The following SHCBP1L variants were observed in gnomAD, a reference collection of about 807,000 sequenced individuals.
SHCBP1L encodes the protein SHC binding and spindle associated 1 like, also known as testicular spindle-associated protein SHCBP1L.
SHCBP1L carries 67 observed loss-of-function variants against 62.5 expected under a neutral mutation model. The observed-to-expected ratio is 1.07, with a 90% CI of 0.88 to 1.31. The LOEUF is 1.31. Among genes scored for constraint, SHCBP1L ranks in the 40% most tolerant of loss-of-function variants. SHCBP1L has a pLI of 0.00. For synonymous variants in SHCBP1L, 284 were observed against 289.4 expected (o/e 0.98, Z 0.19); for missense variants, 823 against 809.8 (o/e 1.02, Z -0.20).
intron 6 of SHCBP1L, among the ~76,000 whole-genome samples, chr1:182,915,753 T>G (rs891860112): frequency 1.3e-5 from 2 of 151,742 alleles, no homozygotes; most frequent in African/African-American, 4.8e-5. Flanking sequence ...AGAAGTCAAT[T>G]ATGGAAAGAA....
intron 3 of SHCBP1L, 46 bp downstream of exon 3, chr1:182,940,283 T>A: frequency 6.6e-7 from 1 of 1,523,672 alleles, no homozygotes; most frequent in Non-Finnish European, 9.0e-7. Context: ...TCACATTAAC[T>A]TTTGGATATA....
At chr1:182,920,072 T>C (rs923528879) in intron 6 of SHCBP1L, among the ~76,000 whole-genome samples, 2 of 152,190 alleles carry the variant, frequency 1.3e-5, no homozygotes, top group Non-Finnish European at 2.9e-5. Flanking sequence ...TGCTGATACA[T>C]GCACACCCTG....
chr1:182,908,168 G>C (rs1250995258), intron 6 of SHCBP1L, among the ~76,000 whole-genome samples: 1 of 140,768 alleles, frequency 7.1e-6, no homozygotes, highest in Non-Finnish European at 1.6e-5. Flanking sequence ...ACTTATTTTA[G>C]ATATGGGGGT....
chr1:182,928,934 G>A (rs185295266), intron 6 of SHCBP1L, among the ~76,000 whole-genome samples: 60 of 152,104 alleles, frequency 3.9e-4, no homozygotes, highest in African/African-American at 1.3e-3. Context: ...ATCACTTTGG[G>A]ATAATATAGT....
At chr1:182,931,973 T>TTTTTTA in intron 5 of SHCBP1L, among the ~76,000 whole-genome samples, 1 of 142,472 alleles carries the variant, frequency 7.0e-6, no homozygotes, top group African/African-American at 2.6e-5. Flanking sequence ...TTTTTTTTTT[T>TTTTTTA]ACTGCCTCCA....
chr1:182,902,493 CAAAG>C (rs1649878026), intron 9 of SHCBP1L, among the ~76,000 whole-genome samples: 1 of 152,030 alleles, frequency 6.6e-6, no homozygotes, highest in Non-Finnish European at 1.5e-5. Flanking sequence ...ATTCATAAAA[CAAAG>C]AGTTAGAATG....
At chr1:182,942,783 T>C (rs985760682) in intron 2 of SHCBP1L, among the ~76,000 whole-genome samples, 2 of 152,242 alleles carry the variant, frequency 1.3e-5, no homozygotes, top group African/African-American at 4.8e-5. Context: ...TGAAATTCTT[T>C]ATTTTTCGGT....
intron 5 of SHCBP1L, among the ~76,000 whole-genome samples, chr1:182,931,378 A>C (rs1650991629): frequency 1.3e-5 from 2 of 152,138 alleles, no homozygotes; most frequent in African/African-American, 4.8e-5. Flanking sequence ...GTGTTTTTTA[A>C]TCAGGTTTAT....
At position 182,922,569 on chromosome 1, in the gene SHCBP1L, A is replaced by G. The variant is rs1018184833; in HGVS notation, c.1182+7078T>C. ...ACTCCATCTAAAAAAAAAAAAAAAG[A>G]AAGAAATCAATACTAAGAAGACCTT... is the stretch of plus-strand genomic sequence containing the variant. On this transcript the variant is annotated intron_variant, in intron 6 of 9. Coordinates refer to ENST00000367547, the MANE Select transcript of SHCBP1L (RefSeq NM_030933.4). 2.0e-5 allele frequency among the ~76,000 whole-genome samples: 3 copies of G among 151,668 alleles called. No homozygotes were observed. The South Asian group carries it at 6.2e-4, about 31-fold the overall frequency.
chr1:182,900,199 A>T lies in SHCBP1L; in HGVS notation c.1746T>A (p.Asn582Lys), dbSNP rs1649784494. 2 of 1,587,882 alleles carry T rather than the reference A, an allele frequency of 1.3e-6. No individual in the cohort carries two copies. Among genetic ancestry groups the T allele is most frequent in the African/African-American group, 2.7e-5 (2 of 73,938 alleles). Residue 582 changes from asparagine (N) to lysine (K), a missense_variant, in exon 10 of 10, where the codon AAT (asparagine) becomes AAA (lysine). By Grantham distance (94) the Asn-to-Lys change is moderately conservative. Transcript: ENST00000367547. Reference protein sequence around the residue: ...LPAPKLKMTNNHIYSNKGYGV... With the variant: ...LPAPKLKMTNKHIYSNKGYGV... ...CATAGCCTTTGTTGCTATAAATATG[A>T]TTATTAGTCATCTTCAATTTGGGTG...
intron 6 of SHCBP1L, among the ~76,000 whole-genome samples, chr1:182,911,037 GCAC>G (rs1349199377): frequency 6.6e-6 from 1 of 151,848 alleles, no homozygotes; most frequent in East Asian, 1.9e-4. Context: ...TTACAGGTGT[GCAC>G]CACTATGCCC....
At position 182,929,704 on chromosome 1, in the gene SHCBP1L, T is replaced by C. The variant is rs1650897174; in HGVS notation, c.1125A>G (p.Lys375=). ...FPRILRRRKG[K]REFGKTITHI... is the part of the protein sequence containing the mutation. ...GTGTTATAGTCTTTCCAAATTCTCT[T>C]TTTCCTTTCCTACGCCTCAGAATTC... The change falls in exon 6 of 10, where the codon AAA becomes AAG. Residue 375 remains lysine, a synonymous_variant. Coordinates refer to ENST00000367547, the MANE Select transcript of SHCBP1L (RefSeq NM_030933.4). 6.3e-7 allele frequency: 1 copy of C among 1,595,260 alleles called. No homozygotes were observed. Among genetic ancestry groups the C allele is most frequent in the Non-Finnish European group, 8.5e-7 (1 of 1,175,514 alleles).
At chr1:182,924,402 A>G (rs930138313) in intron 6 of SHCBP1L, among the ~76,000 whole-genome samples, 2 of 148,100 alleles carry the variant, frequency 1.4e-5, no homozygotes, top group Non-Finnish European at 3.0e-5. Flanking sequence ...GGTTCATGCC[A>G]TTCTCCTGCC....
chr1:182,952,278 A>C (rs1285826409), intron 1 of SHCBP1L, among the ~76,000 whole-genome samples: 2 of 139,866 alleles, frequency 1.4e-5, no homozygotes, highest in Non-Finnish European at 3.1e-5. Context: ...ATATATATAC[A>C]CACACATATA....
chr1:182,918,586 T>C (rs1432216873), intron 6 of SHCBP1L, among the ~76,000 whole-genome samples: 1 of 152,190 alleles, frequency 6.6e-6, no homozygotes. Context: ...ACTACTTACA[T>C]TGATCTACAG....
At chr1:182,912,919 A>G (rs1557992061) in intron 6 of SHCBP1L, among the ~76,000 whole-genome samples, 1 of 151,538 alleles carries the variant, frequency 6.6e-6, no homozygotes, top group Non-Finnish European at 1.5e-5. Flanking sequence ...GGTGGATCAC[A>G]AGGTCAGGAG....
intron 1 of SHCBP1L, among the ~76,000 whole-genome samples, chr1:182,952,225 TATATATATATACAC>T (rs1196463025): frequency 6.4e-5 from 4 of 62,780 alleles, no homozygotes; most frequent in African/African-American, 1.8e-4. Flanking sequence ...TATATATATA[TATATATATATACAC>T]ACACACACAC....
At chr1:182,951,277 A>G (rs1489654023) in intron 2 of SHCBP1L, 41 bp downstream of exon 2, 1 of 1,415,264 alleles carries the variant, frequency 7.1e-7, no homozygotes, top group East Asian at 2.4e-5. Flanking sequence ...CTTTAAAAGA[A>G]CTGATTCAAA....
At chr1:182,913,042 G>GGA (rs1650239157) in intron 6 of SHCBP1L, among the ~76,000 whole-genome samples, 1 of 151,900 alleles carries the variant, frequency 6.6e-6, no homozygotes, top group Admixed American at 6.6e-5. Flanking sequence ...GGCTGAGGCA[G>GGA]GAGAATCGCT....
Sources: gnomAD v4.1 joint callset for allele counts (sites outside exome capture counted in the v4.1 genomes callset) on GRCh38, gnomAD v4.1.1 for gene constraint, MANE v1.5 for transcripts, NCBI Gene and HGNC (gene_info 2026-07-23, HGNC 2026-07-21) for gene names.